Variants in AGTR1 observed in about 807,000 individuals in gnomAD.
AGTR1 encodes angiotensin II receptor type 1, also known as type-1 angiotensin II receptor.
AGTR1 carries 16 observed loss-of-function variants against 19.4 expected under a neutral mutation model. That is an observed-to-expected ratio of 0.82 (90% CI 0.56 to 1.25). The LOEUF (loss-of-function observed/expected upper bound fraction) is 1.25. AGTR1 is among the 50% of genes most tolerant of loss of function. AGTR1 has a pLI of 0.00. For missense variants in AGTR1, 373 were observed against 431.9 expected (o/e 0.86, Z 1.21); for synonymous variants, 153 against 154.9 (o/e 0.99, Z 0.09).
intron 2 of AGTR1, among the ~76,000 whole-genome samples, chr3:148,728,891 A>C (rs1379522886): frequency 6.6e-6 from 1 of 152,262 alleles, no homozygotes; most frequent in African/African-American, 2.4e-5. Flanking sequence ...AGATATTTCT[A>C]TCACATTGGC....
intron 2 of AGTR1, among the ~76,000 whole-genome samples, chr3:148,738,967 C>G (rs1559932938): frequency 2.6e-5 from 4 of 152,182 alleles, no homozygotes; most frequent in African/African-American, 9.7e-5. Flanking sequence ...CACCAGAAAA[C>G]AAGGAAACAA....
At chr3:148,737,442 AAC>A (rs1452354432) in intron 2 of AGTR1, among the ~76,000 whole-genome samples, 3 of 152,018 alleles carry the variant, frequency 2.0e-5, no homozygotes, top group African/African-American at 7.2e-5. Context: ...GTCAGTGATA[AAC>A]ACAGAGTATT....
intron 2 of AGTR1, among the ~76,000 whole-genome samples, chr3:148,721,780 T>C (rs1274172714): frequency 6.6e-6 from 1 of 152,176 alleles, no homozygotes; most frequent in East Asian, 1.9e-4. Flanking sequence ...TGGTACCCCT[T>C]GTGCTTCAGT....
intron 2 of AGTR1, chr3:148,731,398 G>A (rs2084525063): frequency 1.3e-5 from 2 of 152,082 alleles, no homozygotes; most frequent in South Asian, 4.2e-4. Flanking sequence ...TTTTCTTTCA[G>A]GGTTAATCAA....
At chr3:148,719,888 C>T (rs888583155) in intron 2 of AGTR1, among the ~76,000 whole-genome samples, 2 of 152,158 alleles carry the variant, frequency 1.3e-5, no homozygotes, top group African/African-American at 4.8e-5. Flanking sequence ...TTTGTTTTTA[C>T]TCATTTCTTC....
rs760757555 is a variant in AGTR1 at position 148,741,868 on chromosome 3, A to G, written c.833A>G (p.Asp278Gly). ...LGIIRDCRIA[D>G]IVDTAMPITI... ...ATCATACGTGACTGTAGAATTGCAG[A>G]TATTGTGGACACGGCCATGCCTATC... Residue 278 changes from aspartate to glycine, a missense_variant, in exon 3 of 3, where the codon GAT (aspartate) becomes GGT (glycine). Asp to Gly is a moderately conservative substitution (Grantham distance 94, BLOSUM62 -1). Coordinates refer to ENST00000349243, the MANE Select transcript of AGTR1 (RefSeq NM_000685.5). 1.9e-6 allele frequency: 3 copies of G among 1,614,002 alleles called. No individual in the cohort carries two copies. The South Asian group carries it at 3.3e-5, about 18-fold the overall frequency.
chr3:148,734,065 G>T (rs886257813), intron 2 of AGTR1, among the ~76,000 whole-genome samples: 3 of 152,144 alleles, frequency 2.0e-5, no homozygotes, highest in African/African-American at 7.2e-5. Context: ...TAGTGATGTG[G>T]GTGGGAGGGA....
intron 2 of AGTR1, among the ~76,000 whole-genome samples, chr3:148,712,563 C>G (rs577141469): frequency 6.6e-6 from 1 of 152,104 alleles, no homozygotes; most frequent in African/African-American, 2.4e-5. Context: ...AGTAATACTC[C>G]CAGGTCAAAA....
chr3:148,736,156 TA>T (rs1257255041), intron 2 of AGTR1, among the ~76,000 whole-genome samples: 10 of 151,946 alleles, frequency 6.6e-5, no homozygotes, highest in African/African-American at 4.8e-5. Flanking sequence ...ATTCTTAGAA[TA>T]AAAAAAGGAA....
intron 1 of AGTR1, among the ~76,000 whole-genome samples, chr3:148,701,656 T>C (rs1219297156): frequency 1.3e-5 from 2 of 152,230 alleles, no homozygotes; most frequent in African/African-American, 4.8e-5. Flanking sequence ...TTTATTGTGT[T>C]GTTAATCTCA....
chr3:148,702,600 CCTT>C (rs919797521), intron 1 of AGTR1, among the ~76,000 whole-genome samples: 1 of 152,198 alleles, frequency 6.6e-6, no homozygotes, highest in Non-Finnish European at 1.5e-5. Context: ...AATGGCCCCT[CCTT>C]CTGTCCTGCC....
At chr3:148,726,409 ATGC>A (rs1713941433) in intron 2 of AGTR1, among the ~76,000 whole-genome samples, 1 of 152,060 alleles carries the variant, frequency 6.6e-6, no homozygotes, top group Non-Finnish European at 1.5e-5. Flanking sequence ...GGGTTTCACC[ATGC>A]TGGCCAGGCT....
intron 2 of AGTR1, among the ~76,000 whole-genome samples, chr3:148,735,113 G>C (rs3772611): frequency 0.048 from 7,291 of 152,226 alleles, 187 homozygotes; most frequent in African/African-American, 0.061. Context: ...GTCAGGACCA[G>C]TAGGCACATA....
intron 2 of AGTR1, among the ~76,000 whole-genome samples, chr3:148,731,700 C>T (rs375507838): frequency 6.6e-6 from 1 of 152,294 alleles, no homozygotes; most frequent in East Asian, 1.9e-4. Context: ...GATTAAATTG[C>T]CATGTAAGAT....
chr3:148,724,315 G>C (rs970833706), intron 2 of AGTR1, among the ~76,000 whole-genome samples: 41 of 152,066 alleles, frequency 2.7e-4, no homozygotes, highest in African/African-American at 9.6e-4. Context: ...ATAATGTCTA[G>C]GGACCATAAC....
At position 148,723,439 on chromosome 3, in the gene AGTR1, T is replaced by A. The variant is rs1219927035; in HGVS notation, c.-48+15412T>A. ...AAATAGCTTCAGTCCCTTTCACTAC[T>A]GATGACCTTTTGAACACAAGATAAT... is the stretch of plus-strand genomic sequence containing the variant. On this transcript the variant is annotated intron_variant, in intron 2 of 2. Transcript: ENST00000349243. Among the ~76,000 whole-genome samples the A allele has an allele frequency of 3.3e-5, 5 of 152,308 alleles. No individual in the cohort carries two copies. The East Asian group carries it at 9.7e-4, about 29-fold the overall frequency.
At chr3:148,712,705 G>A (rs1295754125) in intron 2 of AGTR1, among the ~76,000 whole-genome samples, 1 of 152,190 alleles carries the variant, frequency 6.6e-6, no homozygotes, top group Non-Finnish European at 1.5e-5. Flanking sequence ...CTTTGGGAAA[G>A]TGAAAGCAAT....
chr3:148,741,217 C>G lies in AGTR1; in HGVS notation c.182C>G (p.Thr61Ser). 1 of 1,614,140 alleles carries G rather than the reference C, an allele frequency of 6.2e-7. No homozygotes were observed. The highest frequency in any genetic ancestry group is 8.5e-7 in the Non-Finnish European group (1 of 1,180,034). The change falls in exon 3 of 3, where the codon ACT becomes AGT. Residue 61 changes from threonine (T) to serine (S), a missense_variant. Physicochemically the swap from Thr to Ser is moderately conservative, Grantham distance 58 (BLOSUM62 1). Coordinates refer to ENST00000349243, the MANE Select transcript of AGTR1 (RefSeq NM_000685.5). ...IVIYFYMKLK[T>S]VASVFLLNLA... is the part of the protein sequence containing the mutation. Reference sequence around the variant, plus strand: ...ATTTACTTTTATATGAAGCTGAAGACTGTGGCCAGTGTTTTTCTTTTGAAT... The same window carrying G: ...ATTTACTTTTATATGAAGCTGAAGAGTGTGGCCAGTGTTTTTCTTTTGAAT...
intron 2 of AGTR1, among the ~76,000 whole-genome samples, chr3:148,736,318 T>C (rs1468156577): frequency 6.6e-6 from 1 of 152,202 alleles, no homozygotes; most frequent in Admixed American, 6.5e-5. Flanking sequence ...ACCTCACTCA[T>C]GGCAAATTTA....
Sources: allele counts gnomAD v4.1 joint callset (sites outside exome capture counted in the v4.1 genomes callset), GRCh38; gene constraint gnomAD v4.1.1; transcripts MANE v1.5; gene names NCBI Gene and HGNC (gene_info 2026-07-23, HGNC 2026-07-21).